Variants in VAT1L observed in about 807,000 individuals in gnomAD.
VAT1L encodes putative NADPH-dependent quinone oxidoreductase VAT1L.
A neutral mutation model predicts 44.1 loss-of-function variants in VAT1L; 34 were observed. The observed-to-expected ratio is 0.77, with a 90% CI of 0.59 to 1.03. The LOEUF is 1.03. Among genes scored for constraint, VAT1L ranks in the 50% least tolerant of loss-of-function variants. The pLI, the probability that VAT1L is intolerant of heterozygous loss-of-function variation, is 0.00. For synonymous variants in VAT1L, 253 were observed against 202.2 expected (o/e 1.25, Z -2.13); for missense variants, 615 against 538.8 (o/e 1.14, Z -1.40).
intron 7 of VAT1L, among the ~76,000 whole-genome samples, chr16:77,968,486 G>T (rs184717616): frequency 1.3e-5 from 2 of 152,190 alleles, no homozygotes; most frequent in Non-Finnish European, 2.9e-5. Context: ...AGCACTTTGG[G>T]AGGCCAAGGC....
chr16:77,827,398 G>A (rs1423635605), intron 3 of VAT1L, among the ~76,000 whole-genome samples: 1 of 152,086 alleles, frequency 6.6e-6, no homozygotes, highest in Non-Finnish European at 1.5e-5. Context: ...TTATTGTTTT[G>A]TTCTTGGAGC....
At chr16:77,918,515 T>C (rs2017574129) in intron 7 of VAT1L, among the ~76,000 whole-genome samples, 1 of 152,116 alleles carries the variant, frequency 6.6e-6, no homozygotes, top group African/African-American at 2.4e-5. Context: ...CCTCCCTCCT[T>C]GTCCCCTTCC....
chr16:77,884,694 C>T lies in VAT1L; in HGVS notation c.969C>T (p.Phe323=), dbSNP rs768246823. The change falls in exon 7 of 9, where the codon TTC becomes TTT. Residue 323 remains phenylalanine (F), a synonymous_variant. Transcript: ENST00000302536. This position sits in a 1 kb window ranked among gnomAD's most constrained non-coding sequence, Gnocchi z 4.5. ...GGTTTTCCCTTTTAAATCTGCTCTT[C>T]AAACAAGGCCGGGCGGGCCTCATTC... is the stretch of plus-strand genomic sequence containing the variant. ...IAGFSLLNLL[F]KQGRAGLIRG... The T allele has an allele frequency of 6.2e-7, 1 of 1,612,294 alleles. No individual in the cohort carries two copies. The highest frequency in any genetic ancestry group is 8.5e-7 in the Non-Finnish European group (1 of 1,179,306).
chr16:77,914,110 C>T (rs1009518737), intron 7 of VAT1L, among the ~76,000 whole-genome samples: 9 of 152,112 alleles, frequency 5.9e-5, no homozygotes, highest in African/African-American at 1.9e-4. Flanking sequence ...ATAGATGCAG[C>T]GTATGCTGGA....
At chr16:77,899,417 T>A (rs2017358006) in intron 7 of VAT1L, among the ~76,000 whole-genome samples, 2 of 152,230 alleles carry the variant, frequency 1.3e-5, no homozygotes, top group South Asian at 4.1e-4. Flanking sequence ...CTTCTGTGAT[T>A]AGACAGGTGA....
At chr16:77,895,212 G>C (rs1434863932) in intron 7 of VAT1L, among the ~76,000 whole-genome samples, 2 of 151,774 alleles carry the variant, frequency 1.3e-5, no homozygotes, top group African/African-American at 4.8e-5. Flanking sequence ...CCCAGGCCCT[G>C]CCATGCCCTT....
intron 4 of VAT1L, among the ~76,000 whole-genome samples, chr16:77,874,915 G>A (rs917296882): frequency 6.6e-6 from 1 of 151,418 alleles, no homozygotes; most frequent in East Asian, 1.9e-4. Context: ...TCAGAGCGTG[G>A]AGCTGGAATT....
At chr16:77,835,373 T>C (rs747393219) in intron 3 of VAT1L, among the ~76,000 whole-genome samples, 3 of 152,210 alleles carry the variant, frequency 2.0e-5, no homozygotes, top group African/African-American at 4.8e-5. Context: ...CTCTGGTATG[T>C]AATATTCATT....
chr16:77,810,587 C>T (rs937356314), intron 1 of VAT1L, among the ~76,000 whole-genome samples: 1 of 152,112 alleles, frequency 6.6e-6, no homozygotes, highest in Non-Finnish European at 1.5e-5. Context: ...GGAGGATCAC[C>T]TGAGCCCAGG....
chr16:77,856,675 A>T (rs1175047955), intron 3 of VAT1L, among the ~76,000 whole-genome samples: 1 of 152,080 alleles, frequency 6.6e-6, no homozygotes, highest in Non-Finnish European at 1.5e-5. Flanking sequence ...GATTAAGGAG[A>T]CTCCAGCAGC....
chr16:77,864,819 C>T (rs1327120538), intron 4 of VAT1L, among the ~76,000 whole-genome samples: 1 of 151,998 alleles, frequency 6.6e-6, no homozygotes, highest in Non-Finnish European at 1.5e-5. Flanking sequence ...TTAAGGTTGT[C>T]CCAATAGTTC....
At chr16:77,921,974 C>G (rs990372045) in intron 7 of VAT1L, among the ~76,000 whole-genome samples, 1 of 152,068 alleles carries the variant, frequency 6.6e-6, no homozygotes, top group African/African-American at 2.4e-5. Flanking sequence ...TCTTGAAGCC[C>G]TGGGCTCAAG....
At chr16:77,854,344 G>T (rs916235719) in intron 3 of VAT1L, among the ~76,000 whole-genome samples, 22 of 152,204 alleles carry the variant, frequency 1.4e-4, no homozygotes, top group Non-Finnish European at 5.9e-5. Flanking sequence ...ACTGACTGAT[G>T]CTTGAAGCAT....
intron 4 of VAT1L, among the ~76,000 whole-genome samples, chr16:77,872,120 G>A (rs1022228044): frequency 6.6e-6 from 1 of 152,122 alleles, no homozygotes; most frequent in Admixed American, 6.5e-5. Context: ...GGCACAGAGA[G>A]GCTAAGTAAC....
chr16:77,891,037 A>G (rs1245815197), intron 7 of VAT1L, among the ~76,000 whole-genome samples: 6 of 152,052 alleles, frequency 3.9e-5, no homozygotes, highest in Admixed American at 1.3e-4. Context: ...AATTTAAGCT[A>G]ATTTAAATTA....
intron 1 of VAT1L, among the ~76,000 whole-genome samples, chr16:77,815,360 A>G (rs914407275): frequency 3.9e-5 from 6 of 152,278 alleles, no homozygotes; most frequent in East Asian, 1.9e-4. Flanking sequence ...AGTCCCTGCT[A>G]TATTACTTTG....
chr16:77,931,268 G>T (rs1050342443), intron 7 of VAT1L, among the ~76,000 whole-genome samples: 2 of 152,208 alleles, frequency 1.3e-5, no homozygotes, highest in Non-Finnish European at 2.9e-5. Context: ...CAGAATGAAA[G>T]AATGTTGGAA....
intron 4 of VAT1L, 112 bp downstream of exon 4, chr16:77,863,002 G>A (rs2016932970): frequency 2.2e-6 from 3 of 1,340,468 alleles, no homozygotes; most frequent in African/African-American, 2.9e-5. Flanking sequence ...ACATATATTG[G>A]GGGCTTAGTA....
chr16:77,788,766 C>T lies in VAT1L; in HGVS notation c.84C>T (p.Gly28=), dbSNP rs1353835054. 1.3e-6 allele frequency: 2 copies of T among 1,561,472 alleles called. No individual in the cohort carries two copies. Among genetic ancestry groups the T allele is most frequent in the Non-Finnish European group, 1.7e-6 (2 of 1,153,110 alleles). Residue 28 remains glycine (G), a synonymous_variant, in exon 1 of 9, where the codon GGC becomes GGT. Transcript: ENST00000302536. The part of the protein sequence containing the change: ...KEAGKEPAEG[G]GGDGSHRLGD... ...CAGGCAAGGAGCCGGCGGAGGGCGG[C>T]GGCGGCGACGGCTCGCACCGCCTCG...
Sources: gnomAD v4.1 joint callset for allele counts (sites outside exome capture counted in the v4.1 genomes callset) on GRCh38, gnomAD v4.1.1 for gene constraint, Gnocchi (gnomAD v3.1) non-coding constraint, MANE v1.5 for transcripts, NCBI Gene and HGNC (gene_info 2026-07-23, HGNC 2026-07-21) for gene names.